Variants in EPHA6 observed in about 807,000 individuals in gnomAD.
EPHA6 encodes ephrin type-A receptor 6.
Under a neutral mutation model 112.0 loss-of-function variants are expected in EPHA6, and 50 were observed. The ratio of observed to expected loss-of-function variants is 0.45; its 90% CI spans 0.36 to 0.56. The LOEUF (loss-of-function observed/expected upper bound fraction) is 0.56, where lower values mean the gene tolerates loss of function less well. EPHA6 is among the 20% of genes least tolerant of loss of function. The pLI is 0.00. For synonymous variants in EPHA6, 529 were observed against 490.7 expected (o/e 1.08, Z -1.03); for missense variants, 1,280 against 1,417.4 (o/e 0.90, Z 1.56).
At chr3:97,547,973 T>G (rs1451423362) in intron 11 of EPHA6, among the ~76,000 whole-genome samples, 1 of 152,172 alleles carries the variant, frequency 6.6e-6, no homozygotes, top group Admixed American at 6.5e-5. Flanking sequence ...GTCACCCCTT[T>G]CTTTGACTAG....
intron 3 of EPHA6, among the ~76,000 whole-genome samples, chr3:97,162,078 A>G (rs1271423301): frequency 6.6e-6 from 1 of 152,154 alleles, no homozygotes. Flanking sequence ...CTGCAATTGG[A>G]GTCACTACCT....
chr3:97,126,704 G>C (rs1403000814), intron 3 of EPHA6, among the ~76,000 whole-genome samples: 1 of 132,108 alleles, frequency 7.6e-6, no homozygotes, highest in Non-Finnish European at 1.6e-5. Context: ...GAAACTTAGA[G>C]CCTTCACCTG....
intron 3 of EPHA6, among the ~76,000 whole-genome samples, chr3:97,053,348 C>G (rs1225650768): frequency 6.6e-6 from 1 of 151,952 alleles, no homozygotes; most frequent in Non-Finnish European, 1.5e-5. Context: ...GCTGTGAGAT[C>G]AGATGTAGTA....
At chr3:97,714,903 C>T (rs963318448) in intron 14 of EPHA6, among the ~76,000 whole-genome samples, 1 of 152,118 alleles carries the variant, frequency 6.6e-6, no homozygotes, top group African/African-American at 2.4e-5. Flanking sequence ...CAGTAAGACT[C>T]CATATGATAA....
chr3:97,403,919 C>T lies in EPHA6; in HGVS notation c.1607-1231C>T, dbSNP rs185048963. Among the ~76,000 whole-genome samples the T allele has an allele frequency of 4.1e-3, 619 of 152,162 alleles. 5 individuals carry two copies. The highest frequency in any genetic ancestry group is 0.013 in the African/African-American group (559 of 41,546). ...GTTATTCTTAGGTTTATCCTTACAG[C>T]TTTTTTATGCATTTTTCTTCACCTT... On this transcript the variant is annotated intron_variant, in intron 5 of 17. Coordinates refer to ENST00000389672, the MANE Select transcript of EPHA6 (RefSeq NM_001080448.3).
intron 5 of EPHA6, among the ~76,000 whole-genome samples, chr3:97,276,095 C>T (rs1165581076): frequency 6.6e-6 from 1 of 152,076 alleles, no homozygotes; most frequent in Admixed American, 6.5e-5. Context: ...GCAAGGGAAA[C>T]AGGCCCTTGA....
chr3:97,121,906 A>T (rs1304292271), intron 3 of EPHA6, among the ~76,000 whole-genome samples: 1 of 152,020 alleles, frequency 6.6e-6, no homozygotes, highest in African/African-American at 2.4e-5. Context: ...TTCAAACTGA[A>T]TGGGATGCTT....
intron 3 of EPHA6, among the ~76,000 whole-genome samples, chr3:97,185,076 A>G (rs558562684): frequency 6.6e-6 from 1 of 152,144 alleles, no homozygotes; most frequent in African/African-American, 2.4e-5. Context: ...AAGATGGATT[A>G]AAGACTTCAA....
intron 14 of EPHA6, among the ~76,000 whole-genome samples, chr3:97,666,775 T>A (rs749398570): frequency 6.6e-6 from 1 of 152,180 alleles, no homozygotes; most frequent in Non-Finnish European, 1.5e-5. Context: ...CAAAATTCAA[T>A]CCATAACAAC....
At chr3:97,593,444 A>T (rs2093562193) in intron 12 of EPHA6, among the ~76,000 whole-genome samples, 1 of 152,204 alleles carries the variant, frequency 6.6e-6, no homozygotes, top group Non-Finnish European at 1.5e-5. Flanking sequence ...ATGCAATCTT[A>T]CTTTACATTT....
At chr3:97,227,403 T>C (rs2078393085) in intron 4 of EPHA6, among the ~76,000 whole-genome samples, 1 of 152,078 alleles carries the variant, frequency 6.6e-6, no homozygotes, top group South Asian at 2.1e-4. Context: ...ATATTTTTAG[T>C]AGAGATGGGG....
chr3:97,204,426 G>A (rs892619287), intron 3 of EPHA6, among the ~76,000 whole-genome samples: 1 of 151,982 alleles, frequency 6.6e-6, no homozygotes, highest in African/African-American at 2.4e-5. Context: ...GACAAGTATT[G>A]TTTTCTTCCG....
At chr3:97,121,985 A>ATG (rs2048054046) in intron 3 of EPHA6, among the ~76,000 whole-genome samples, 3 of 152,066 alleles carry the variant, frequency 2.0e-5, no homozygotes, top group Non-Finnish European at 4.4e-5. Flanking sequence ...ATTTATAACC[A>ATG]CTTGATGCTT....
chr3:97,225,663 A>G (rs915780221), intron 3 of EPHA6, among the ~76,000 whole-genome samples: 1 of 152,166 alleles, frequency 6.6e-6, no homozygotes, highest in Non-Finnish European at 1.5e-5. Flanking sequence ...ACTGTGTGGA[A>G]TTGGTAATTT....
intron 3 of EPHA6, among the ~76,000 whole-genome samples, chr3:97,159,993 T>C (rs924770666): frequency 1.1e-4 from 17 of 152,128 alleles, no homozygotes; most frequent in East Asian, 7.7e-4. Flanking sequence ...TGGTGCCATA[T>C]TGGGGACTCA....
At chr3:97,693,709 G>A (rs1378819231) in intron 14 of EPHA6, among the ~76,000 whole-genome samples, 2 of 152,176 alleles carry the variant, frequency 1.3e-5, no homozygotes, top group African/African-American at 4.8e-5. Context: ...TCGGGAGACT[G>A]AGGCAGGAGA....
At chr3:97,390,885 A>G (rs898345649) in intron 5 of EPHA6, among the ~76,000 whole-genome samples, 1 of 152,080 alleles carries the variant, frequency 6.6e-6, no homozygotes, top group African/African-American at 2.4e-5. Context: ...CAATCAAATC[A>G]TTCGGAATAT....
chr3:97,522,691 G>A (rs552380008), intron 10 of EPHA6, among the ~76,000 whole-genome samples: 1 of 152,144 alleles, frequency 6.6e-6, no homozygotes, highest in Admixed American at 6.5e-5. Flanking sequence ...TCTTTGATGG[G>A]AGATTTTTTA....
chr3:97,549,375 G>A (rs1240350737), intron 11 of EPHA6, among the ~76,000 whole-genome samples: 1 of 152,100 alleles, frequency 6.6e-6, no homozygotes, highest in East Asian at 1.9e-4. Flanking sequence ...GGTGATTAAA[G>A]ATGAGAAAAT....
Sources: gnomAD v4.1 joint callset for allele counts (sites outside exome capture counted in the v4.1 genomes callset) on GRCh38, gnomAD v4.1.1 for gene constraint, MANE v1.5 for transcripts, NCBI Gene and HGNC (gene_info 2026-07-23, HGNC 2026-07-21) for gene names.